OSBPL2: variants seen among roughly 807,000 people sequenced by gnomAD.
OSBPL2 encodes oxysterol-binding protein-related protein 2.
Under a neutral mutation model 58.4 loss-of-function variants are expected in OSBPL2, and 18 were observed. That is an observed-to-expected ratio of 0.31 (90% confidence interval 0.21 to 0.46). The LOEUF is 0.46. Ranked by LOEUF, OSBPL2 falls within the 20% of genes least tolerant of loss-of-function variation. The pLI is 1.00. For missense variants in OSBPL2, 461 were observed against 616.5 expected (o/e 0.75, Z 2.67); for synonymous variants, 221 against 234.1 (o/e 0.94, Z 0.51).
Position 62,263,661 on chromosome 20 carries a change from G to A in OSBPL2, c.228G>A (p.Val76=). 6.2e-7 allele frequency: 1 copy of A among 1,614,186 alleles called. No individual in the cohort carries two copies. Among genetic ancestry groups the A allele is most frequent in the Non-Finnish European group, 8.5e-7 (1 of 1,180,034 alleles). ...APMFSRSDFS[V]WTILKKCVGL... The stretch of plus-strand genomic sequence containing the variant: ...TGTTCAGCAGAAGCGACTTCAGCGT[G>A]TGGACCATCCTGAAGAAGTGTGTTG... Residue 76 remains valine (V), a synonymous_variant, in exon 4 of 14, where the codon GTG becomes GTA. Coordinates refer to ENST00000313733, the MANE Select transcript of OSBPL2 (RefSeq NM_144498.4).
At position 62,274,617 on chromosome 20, in the gene OSBPL2, G is replaced by A. The variant is rs190483820; in HGVS notation, c.491+1211G>A. Among the ~76,000 whole-genome samples the A allele has an allele frequency of 2.0e-3, 309 of 152,342 alleles. 2 individuals carry two copies. The highest frequency in any genetic ancestry group is 2.5e-3 in the Non-Finnish European group (167 of 68,026). On this transcript the variant is annotated intron_variant, in intron 6 of 13. Coordinates refer to ENST00000313733, the MANE Select transcript of OSBPL2 (RefSeq NM_144498.4). ...CTGTCGAGGTAGCCCAGCACACAGA[G>A]CTCACTCTGGGAAGAAGGAGCTTGC...
At chr20:62,249,258 C>G (rs1601151250) in intron 1 of OSBPL2, among the ~76,000 whole-genome samples, 1 of 152,242 alleles carries the variant, frequency 6.6e-6, no homozygotes, top group East Asian at 1.9e-4. Context: ...GGACAAAGGG[C>G]AAGAGGCCAG....
rs1387151985 is a variant in OSBPL2, at chr20:62,238,569, C to T, written c.-157C>T. The T allele has an allele frequency of 6.7e-6, 1 of 149,438 alleles. No individual in the cohort carries two copies. Among genetic ancestry groups the T allele is most frequent in the African/African-American group, 2.4e-5 (1 of 41,120 alleles). 9.3% of individuals were successfully genotyped at this position (149,438 alleles called of 1,614,324 possible). A position where few individuals can be genotyped will look rare whatever the true frequency, so the allele number is the denominator to read the frequency against. On this transcript the variant is annotated 5_prime_UTR_variant, in exon 1 of 14. Transcript: ENST00000313733. ...GGCGGGGGCGGGGCGGCAGTGAGCT[C>T]GGCCGGCAACCGAGGGACCCGCGTC...
intron 1 of OSBPL2, chr20:62,238,932 C>G (rs1568818280): frequency 6.6e-6 from 1 of 152,152 alleles, no homozygotes; most frequent in African/African-American, 2.4e-5. Flanking sequence ...CCGGCCCCCC[C>G]GAGATCCCCA....
chr20:62,284,281 C>A, intron 10 of OSBPL2, 112 bp downstream of exon 10: 1 of 1,248,280 alleles, frequency 8.0e-7, no homozygotes. Context: ...TGGGCCCCAC[C>A]AGGAGAGATG....
intron 3 of OSBPL2, among the ~76,000 whole-genome samples, chr20:62,261,112 T>C (rs1981271576): frequency 6.6e-6 from 1 of 151,896 alleles, no homozygotes; most frequent in Non-Finnish European, 1.5e-5. Context: ...GGTCAGGAGA[T>C]TGAGACCATC....
chr20:62,287,113 A>G (rs1413442194), intron 11 of OSBPL2, among the ~76,000 whole-genome samples: 1 of 152,202 alleles, frequency 6.6e-6, no homozygotes, highest in African/African-American at 2.4e-5. Context: ...GTTTGGGGAG[A>G]TTGCTTTCTC....
At chr20:62,279,111 A>G in intron 6 of OSBPL2, 46 bp from the exon 7 acceptor site, 1 of 1,526,502 alleles carries the variant, frequency 6.6e-7, no homozygotes, top group South Asian at 1.2e-5. Flanking sequence ...CCTTTCTTTT[A>G]TTTTGCTGCC....
intron 4 of OSBPL2, among the ~76,000 whole-genome samples, chr20:62,267,147 A>G (rs1201441133): frequency 6.6e-6 from 1 of 152,130 alleles, no homozygotes; most frequent in Non-Finnish European, 1.5e-5. Context: ...CGGGTGGCTG[A>G]TGTAGGAGGA....
At chr20:62,273,149 AGTCCTATAATCTCAGACACACT>A (rs779535176) in intron 5 of OSBPL2, among the ~76,000 whole-genome samples, 138 bp from the exon 6 acceptor site, 288 of 152,314 alleles carry the variant, frequency 1.9e-3, no homozygotes, top group Non-Finnish European at 2.4e-3. Context: ...ATTCCCTGGA[AGTCCTATAATCTCAGACACACT>A]GCTCGGGGAA....
At chr20:62,285,446 T>C (rs1486719476) in intron 10 of OSBPL2, 1 of 152,190 alleles carries the variant, frequency 6.6e-6, no homozygotes, top group Non-Finnish European at 1.5e-5. Context: ...TTTTCAGTGG[T>C]CTCCCTGAAG....
intron 2 of OSBPL2, among the ~76,000 whole-genome samples, chr20:62,259,402 T>G (rs918558546): frequency 6.6e-6 from 1 of 152,188 alleles, no homozygotes; most frequent in Non-Finnish European, 1.5e-5. Flanking sequence ...TCTAAAGAGC[T>G]CCTTCTCCAG....
rs946782454 is a variant in OSBPL2 at position 62,257,948 on chromosome 20, C to A, written c.37+1727C>A. On this transcript the variant is annotated intron_variant, in intron 2 of 13. Transcript: ENST00000313733. ...CAGGCTGGTCTCGAACTCCTGACCT[C>A]AGGTGATCCACCTGCCTTGGCCTCC... 1.3e-5 allele frequency among the ~76,000 whole-genome samples: 2 copies of A among 152,158 alleles called. 1 individual carries two copies. The highest frequency in any genetic ancestry group is 4.1e-4 in the South Asian group (2 of 4,834).
intron 11 of OSBPL2, 127 bp from the exon 12 acceptor site, chr20:62,289,080 G>A (rs1183662701): frequency 2.0e-6 from 2 of 1,004,254 alleles, no homozygotes; most frequent in Non-Finnish European, 1.5e-6. Flanking sequence ...GACGTGAGCG[G>A]AAGTAGGTTC....
Position 62,294,065 on chromosome 20 carries a change from A to C in OSBPL2, c.*178A>C. On this transcript the variant is annotated 3_prime_UTR_variant, in exon 14 of 14. Transcript: ENST00000313733. ...TTAACTGTTGATTGCCAAACATTTCACTCTGCTGTGCCGTCTCTTCATAAA... is the reference window on the plus strand; with the variant it reads ...TTAACTGTTGATTGCCAAACATTTCCCTCTGCTGTGCCGTCTCTTCATAAA... 1 of 795,856 alleles carries C rather than the reference A, an allele frequency of 1.3e-6. No individual in the cohort carries two copies. The highest frequency in any genetic ancestry group is 1.9e-6 in the Non-Finnish European group (1 of 525,974). 49.3% of individuals were successfully genotyped at this position (795,856 alleles called of 1,614,324 possible).
chr20:62,261,416 C>T (rs1202616907), intron 3 of OSBPL2, among the ~76,000 whole-genome samples: 2 of 152,028 alleles, frequency 1.3e-5, no homozygotes, highest in Non-Finnish European at 2.9e-5. Context: ...GCTCCAGGCA[C>T]AGCCGCTAAT....
chr20:62,294,138 C>T lies in OSBPL2; in HGVS notation c.*251C>T, dbSNP rs1038925880. 7.9e-5 allele frequency: 43 copies of T among 543,948 alleles called. No homozygotes were observed. Among genetic ancestry groups the T allele is most frequent in the Non-Finnish European group, 1.1e-4 (34 of 315,752 alleles). 33.7% of individuals were successfully genotyped at this position (543,948 alleles called of 1,614,324 possible). ...TCATTAAGGTTTCAACAGGGAAATT[C>T]TTCACGGCGCCCTTTTATGTGGCAG... is the stretch of plus-strand genomic sequence containing the variant. On this transcript the variant is annotated 3_prime_UTR_variant, in exon 14 of 14. Transcript: ENST00000313733.
Position 62,293,885 on chromosome 20 carries a change from T to C in OSBPL2, c.1441T>C (p.Ter481ArgextTer36), listed in dbSNP as rs1348473217. 3 of 1,613,554 alleles carry C rather than the reference T, an allele frequency of 1.9e-6. No individual in the cohort carries two copies. Among genetic ancestry groups the C allele is most frequent in the South Asian group, 2.2e-5 (2 of 91,032 alleles). Residue 481 changes from the stop codon to arginine (R), a stop_lost, in exon 14 of 14, where the codon TGA (stop) becomes CGA (arginine). Coordinates refer to ENST00000313733, the MANE Select transcript of OSBPL2 (RefSeq NM_144498.4). The part of the protein sequence containing the change: ...RNFSDCPDIY[*>R] ...TTTCTCCGACTGCCCAGATATCTAC[T>C]GAGGGCCTGGAGGGGCCTGGGGCCC...
At chr20:62,254,067 G>A (rs1980756435) in intron 1 of OSBPL2, among the ~76,000 whole-genome samples, 1 of 152,094 alleles carries the variant, frequency 6.6e-6, no homozygotes, top group South Asian at 2.1e-4. Context: ...TAAACTGTTG[G>A]GATTACAGGC....
Sources: gnomAD v4.1 joint callset for allele counts (sites outside exome capture counted in the v4.1 genomes callset) on GRCh38, gnomAD v4.1.1 for gene constraint, MANE v1.5 for transcripts, NCBI Gene and HGNC (gene_info 2026-07-23, HGNC 2026-07-21) for gene names.